NFXL1: variants seen among roughly 807,000 people sequenced by gnomAD.
NFXL1 encodes NF-X1-type zinc finger protein NFXL1.
Under a neutral mutation model 123.3 loss-of-function variants are expected in NFXL1, and 66 were observed. The ratio of observed to expected loss-of-function variants is 0.54; its 90% CI spans 0.44 to 0.66. NFXL1 has a LOEUF of 0.66. NFXL1 is among the 30% of genes least tolerant of loss of function. NFXL1 has a pLI of 0.00. For missense variants in NFXL1, 944 were observed against 1,125.6 expected, an observed-to-expected ratio of 0.84 and a Z score of 2.31; for synonymous variants, 346 against 360.8, an observed-to-expected ratio of 0.96 and a Z score of 0.46.
intron 2 of NFXL1, among the ~76,000 whole-genome samples, chr4:47,913,622 C>T (rs1737953017): frequency 6.6e-6 from 1 of 152,198 alleles, no homozygotes; most frequent in Admixed American, 6.5e-5. Context: ...CAACCGCTGA[C>T]AATCAATCCA....
intron 9 of NFXL1, 182 bp from the exon 10 acceptor site, chr4:47,896,829 A>G: frequency 1.9e-6 from 1 of 520,294 alleles, no homozygotes; most frequent in Non-Finnish European, 3.4e-6. Flanking sequence ...TGTGAAGTTT[A>G]TGGTTTTTAA....
chr4:47,876,288 C>T (rs978094), intron 17 of NFXL1, among the ~76,000 whole-genome samples: 51,756 of 151,850 alleles, frequency 0.34, 9,202 homozygotes, highest in East Asian at 0.58. Context: ...GTCTTCGTAA[C>T]TACTCTGAAG....
intron 19 of NFXL1, among the ~76,000 whole-genome samples, chr4:47,859,260 A>G (rs1017382493): frequency 2.4e-4 from 37 of 152,326 alleles, no homozygotes; most frequent in Non-Finnish European, 8.8e-5. Context: ...TTTAATTCCA[A>G]TAATAGGAAA....
At chr4:47,869,103 T>C (rs1344559133) in intron 18 of NFXL1, among the ~76,000 whole-genome samples, 1 of 152,170 alleles carries the variant, frequency 6.6e-6, no homozygotes, top group Non-Finnish European at 1.5e-5. Flanking sequence ...TATGTGCCTG[T>C]AGCCCCAGCT....
In NFXL1 at chr4:47,884,335, C is replaced by G; in HGVS notation, c.1916+11G>C. The G allele has an allele frequency of 1.4e-6, 2 of 1,412,420 alleles. No individual in the cohort carries two copies. Among genetic ancestry groups the G allele is most frequent in the Non-Finnish European group, 2.0e-6 (2 of 1,019,814 alleles). 87.5% of individuals were successfully genotyped at this position (1,412,420 alleles called of 1,614,324 possible). On this transcript the variant is annotated intron_variant, in intron 15 of 22. Transcript: ENST00000507489. ...TTGTTTTTTTTTTTTAATTGAAATT[C>G]TAATACTTACATAGGAATAGGAACT...
chr4:47,855,298 A>G (rs939189073), intron 19 of NFXL1, 135 bp from the exon 20 acceptor site: 5 of 366,370 alleles, frequency 1.4e-5, no homozygotes, highest in African/African-American at 4.4e-5. Context: ...ATAATTTGTA[A>G]ACTATTTTTC....
At position 47,898,183 on chromosome 4, in the gene NFXL1, C is replaced by T. The variant is rs545778219; in HGVS notation, c.1090-102G>A. 7.3e-5 allele frequency: 47 copies of T among 642,678 alleles called. No homozygotes were observed. The Admixed American group carries it at 1.0e-3, about 14-fold the overall frequency. 39.8% of individuals were successfully genotyped at this position (642,678 alleles called of 1,614,324 possible). ...TTTTTCAATCACAAATAAACAACTG[C>T]TTTACGTCCCTCATATTATTTTACT... On this transcript the variant is annotated intron_variant, in intron 8 of 22. Transcript: ENST00000507489.
At chr4:47,885,386 G>T in intron 14 of NFXL1, 112 bp downstream of exon 14, 3 of 867,780 alleles carry the variant, frequency 3.5e-6, no homozygotes, top group Non-Finnish European at 3.6e-6. Flanking sequence ...CCTGCTCCAA[G>T]CACAGTGCTT....
intron 18 of NFXL1, among the ~76,000 whole-genome samples, chr4:47,874,727 A>G (rs1346838121): frequency 1.3e-5 from 2 of 152,206 alleles, no homozygotes; most frequent in Non-Finnish European, 2.9e-5. Flanking sequence ...AATTTGTAAA[A>G]AACTCAGTAT....
intron 4 of NFXL1, 136 bp from the exon 5 acceptor site, chr4:47,903,459 A>G (rs1026983063): frequency 1.4e-5 from 6 of 431,008 alleles, no homozygotes; most frequent in Non-Finnish European, 2.4e-5. Context: ...TCCTTCCAGT[A>G]TAACAGAAGA....
chr4:47,861,018 A>ATTT (rs34491160), intron 19 of NFXL1, among the ~76,000 whole-genome samples: 30 of 145,078 alleles, frequency 2.1e-4, no homozygotes, highest in African/African-American at 7.1e-4. Context: ...ACGTCAGGCT[A>ATTT]TTTTTTTTTT....
intron 15 of NFXL1, among the ~76,000 whole-genome samples, chr4:47,881,470 G>A (rs1736111979): frequency 6.6e-6 from 1 of 152,064 alleles, no homozygotes; most frequent in Non-Finnish European, 1.5e-5. Context: ...CTGTTTGACA[G>A]CTTCTTACAA....
rs1264664203 is a variant in NFXL1, at chr4:47,884,385, G to A, written c.1877C>T (p.Thr626Ile). The change falls in exon 15 of 23, where the codon ACT becomes ATT. Residue 626 changes from threonine to isoleucine, a missense_variant. Around this residue, in one of 4 missense-constraint regions of NFXL1, gnomAD observed 301 missense variants for 348.0 expected, o/e 0.86. Transcript: ENST00000507489. Reference protein sequence around the residue: ...EQPSEPAFIQTALPCPPCQVP... With the variant: ...EQPSEPAFIQIALPCPPCQVP... ...TTGACATGGAGGACACGGTAATGCA[G>A]TCTGAATAAATGCTGGCTCAGAAGG... The A allele has an allele frequency of 1.9e-6, 3 of 1,610,432 alleles. No individual in the cohort carries two copies. Among genetic ancestry groups the A allele is most frequent in the African/African-American group, 1.3e-5 (1 of 74,746 alleles).
Position 47,894,358 on chromosome 4 carries a change from A to G in NFXL1, c.1330-56T>C, listed in dbSNP as rs1736953556. 7 of 1,312,074 alleles carry G rather than the reference A, an allele frequency of 5.3e-6. No individual in the cohort carries two copies. The South Asian group carries it at 9.3e-5, about 17-fold the overall frequency. 81.3% of individuals were successfully genotyped at this position (1,312,074 alleles called of 1,614,324 possible). A position where few individuals can be genotyped will look rare whatever the true frequency, so the allele number is the denominator to read the frequency against. On this transcript the variant is annotated intron_variant, in intron 10 of 22. Coordinates refer to ENST00000507489, the MANE Select transcript of NFXL1 (RefSeq NM_001278624.2). ...TGATTTTTGTTAATATTTTTTCCTC[A>G]CATTGCAACTTCTACAATTATTAAA... is the stretch of plus-strand genomic sequence containing the variant.
At chr4:47,859,360 T>G (rs917104154) in intron 19 of NFXL1, among the ~76,000 whole-genome samples, 5 of 152,234 alleles carry the variant, frequency 3.3e-5, no homozygotes. Flanking sequence ...TATATAGCGC[T>G]TACCATTAAC....
chr4:47,870,653 T>C (rs1735377491), intron 18 of NFXL1, among the ~76,000 whole-genome samples: 1 of 151,698 alleles, frequency 6.6e-6, no homozygotes, highest in South Asian at 2.1e-4. Flanking sequence ...CTAAAATAAA[T>C]TTTAAAATGG....
At chr4:47,909,136 TAAC>T (rs1737709362) in intron 3 of NFXL1, among the ~76,000 whole-genome samples, 2 of 152,152 alleles carry the variant, frequency 1.3e-5, no homozygotes, top group Non-Finnish European at 2.9e-5. Context: ...CATTTCATCC[TAAC>T]AACTCTACAG....
At chr4:47,849,346 CT>C (rs1325281341) in intron 22 of NFXL1, among the ~76,000 whole-genome samples, 1 of 152,016 alleles carries the variant, frequency 6.6e-6, no homozygotes, top group African/African-American at 2.4e-5. Context: ...ACTTATTAAA[CT>C]TTTACACATA....
chr4:47,898,274 C>A (rs62298263), intron 8 of NFXL1, among the ~76,000 whole-genome samples, 193 bp from the exon 9 acceptor site: 1 of 152,092 alleles, frequency 6.6e-6, no homozygotes, highest in Non-Finnish European at 1.5e-5. Flanking sequence ...TATACACACA[C>A]ATATATTTCC....
Sources: allele counts gnomAD v4.1 joint callset (sites outside exome capture counted in the v4.1 genomes callset), GRCh38; gene constraint gnomAD v4.1.1; regional missense constraint gnomAD v4.1.1; transcripts MANE v1.5; gene names NCBI Gene and HGNC (gene_info 2026-07-23, HGNC 2026-07-21).